Variants in HERC2 observed in about 807,000 individuals in gnomAD.
HERC2 encodes the protein HECT and RLD domain containing E3 ubiquitin protein ligase 2.
In HERC2, 102 loss-of-function variants were observed where a neutral mutation model predicts 537.7. That is an observed-to-expected ratio of 0.19 (90% CI 0.16 to 0.22). The LOEUF (loss-of-function observed/expected upper bound fraction) is 0.22. Ranked by LOEUF, HERC2 falls within the 10% of genes least tolerant of loss-of-function variation. The pLI is 1.00. For synonymous variants in HERC2, 2,224 were observed against 2,466.2 expected (o/e 0.90, Z 2.91); for missense variants, 4,236 against 6,198.2 (o/e 0.68, Z 10.63).
chr15:28,199,187 C>A (rs921395402), intron 48 of HERC2, among the ~76,000 whole-genome samples: 16 of 151,946 alleles, frequency 1.1e-4, no homozygotes, highest in Non-Finnish European at 2.2e-4. Context: ...AGAGTGCATT[C>A]TAAGTATTAT....
In HERC2 at chr15:28,190,962, T is replaced by C; in HGVS notation, c.8649+3A>G. The C allele has an allele frequency of 6.3e-7, 1 of 1,584,022 alleles. No individual in the cohort carries two copies. The highest frequency in any genetic ancestry group is 8.7e-7 in the Non-Finnish European group (1 of 1,152,534). ...CAAATGGAACACTAGCATAGCTACT[T>C]ACCTCTGTGCAGTCATTCAGAAGGG... On this transcript the variant is annotated splice_donor_region_variant and intron_variant, in intron 55 of 92. Transcript: ENST00000261609.
chr15:28,118,938 T>C (rs943261863), intron 86 of HERC2, among the ~76,000 whole-genome samples: 4 of 152,178 alleles, frequency 2.6e-5, no homozygotes, highest in Admixed American at 2.6e-4. Context: ...TCAATCCACA[T>C]TGCACACTAG....
intron 45 of HERC2, among the ~76,000 whole-genome samples, chr15:28,205,246 G>A (rs116159174): frequency 0.13 from 17,626 of 133,302 alleles, 308 homozygotes; most frequent in African/African-American, 0.28. Flanking sequence ...AACTCTACAC[G>A]GCCTTCCAGT....
chr15:28,321,141 G>C (rs1327427769), intron 2 of HERC2, among the ~76,000 whole-genome samples: 1 of 152,158 alleles, frequency 6.6e-6, no homozygotes, highest in Non-Finnish European at 1.5e-5. Flanking sequence ...TAGATCTCAA[G>C]TTTCGTGCAC....
intron 2 of HERC2, among the ~76,000 whole-genome samples, chr15:28,319,911 G>A (rs574693836): frequency 1.3e-5 from 2 of 152,170 alleles, no homozygotes; most frequent in Non-Finnish European, 2.9e-5. Context: ...AACTTTGCCT[G>A]AATCTCAGGA....
At chr15:28,193,162 C>T (rs1381747530) in intron 52 of HERC2, among the ~76,000 whole-genome samples, 1 of 152,034 alleles carries the variant, frequency 6.6e-6, no homozygotes, top group Non-Finnish European at 1.5e-5. Flanking sequence ...GAAAATATGA[C>T]TAAAAATTAC....
intron 2 of HERC2, among the ~76,000 whole-genome samples, chr15:28,304,850 C>T (rs1322596657): frequency 5.0e-4 from 52 of 103,742 alleles, no homozygotes; most frequent in African/African-American, 1.9e-3. Flanking sequence ...CCCAATGCTA[C>T]CCCTCCCCCC....
chr15:28,225,234 A>G (rs990877624), intron 35 of HERC2, among the ~76,000 whole-genome samples: 3 of 151,770 alleles, frequency 2.0e-5, no homozygotes, highest in African/African-American at 7.3e-5. Flanking sequence ...GCCTGAAGGA[A>G]AAGTAAGACC....
intron 68 of HERC2, 37 bp downstream of exon 68, chr15:28,167,650 T>C: frequency 1.2e-6 from 2 of 1,611,000 alleles, no homozygotes; most frequent in Non-Finnish European, 1.7e-6. Flanking sequence ...TTTAAGATTA[T>C]TTCACAATAC....
At chr15:28,216,337 A>G (rs1191997741) in intron 38 of HERC2, among the ~76,000 whole-genome samples, 3 of 150,768 alleles carry the variant, frequency 2.0e-5, no homozygotes, top group African/African-American at 7.4e-5. Flanking sequence ...TATTTTTAGT[A>G]GAGACAGTTT....
In HERC2 at chr15:28,162,596, A is replaced by T. The variant is rs149759750; in HGVS notation, c.10746+498T>A. Among the ~76,000 whole-genome samples the T allele has an allele frequency of 1.9e-3, 296 of 152,300 alleles. 3 individuals carry two copies. Among genetic ancestry groups the T allele is most frequent in the Middle Eastern group, 0.014 (4 of 294 alleles). ...TAAAAAGATGCACAAATCAGTTATA[A>T]AACAGGTAAAGGGGCCAGGTTTGGT... On this transcript the variant is annotated intron_variant, in intron 69 of 92. Coordinates refer to ENST00000261609, the MANE Select transcript of HERC2 (RefSeq NM_004667.6).
At chr15:28,280,856 G>T (rs537682836) in intron 4 of HERC2, among the ~76,000 whole-genome samples, 1 of 152,196 alleles carries the variant, frequency 6.6e-6, no homozygotes, top group South Asian at 2.1e-4. Flanking sequence ...GTTGCAGTGA[G>T]CTGAGATTTT....
At chr15:28,148,732 C>T (rs569130939) in intron 70 of HERC2, among the ~76,000 whole-genome samples, 67 of 152,066 alleles carry the variant, frequency 4.4e-4, no homozygotes, top group South Asian at 2.9e-3. Context: ...GCTGCATGAA[C>T]GCGCATTCTA....
rs151141156 is a variant in HERC2, at chr15:28,228,870, C to T, written c.5272+325G>A. Among the ~76,000 whole-genome samples the T allele has an allele frequency of 2.9e-3, 435 of 152,300 alleles. 3 individuals carry two copies. Among genetic ancestry groups the T allele is most frequent in the African/African-American group, 9.9e-3 (412 of 41,552 alleles). On this transcript the variant is annotated intron_variant, in intron 34 of 92. Transcript: ENST00000261609. ...AAAGTTATGTCTCACTTTTCCTCCACAAAACCAATCCAATCAACTCTCTGT... is the reference window on the plus strand; with the variant it reads ...AAAGTTATGTCTCACTTTTCCTCCATAAAACCAATCCAATCAACTCTCTGT...
intron 37 of HERC2, among the ~76,000 whole-genome samples, chr15:28,219,300 A>G (rs1032981563): frequency 2.0e-5 from 3 of 152,188 alleles, no homozygotes; most frequent in Admixed American, 6.5e-5. Flanking sequence ...TGTGTGGCAA[A>G]TGAGGCCACC....
chr15:28,184,218 C>CAT (rs1459968345), intron 56 of HERC2, among the ~76,000 whole-genome samples: 4 of 152,138 alleles, frequency 2.6e-5, no homozygotes, highest in African/African-American at 4.8e-5. Flanking sequence ...TCCATACACA[C>CAT]ATATATATAC....
chr15:28,206,552 G>C (rs1268982717), intron 44 of HERC2, among the ~76,000 whole-genome samples, 170 bp from the exon 45 acceptor site: 1 of 151,510 alleles, frequency 6.6e-6, no homozygotes, highest in Non-Finnish European at 1.5e-5. Context: ...CTAGACTCTA[G>C]GTTGGGTGCG....
chr15:28,183,603 TG>T (rs1328774229), intron 56 of HERC2, among the ~76,000 whole-genome samples: 1 of 152,232 alleles, frequency 6.6e-6, no homozygotes, highest in African/African-American at 2.4e-5. Flanking sequence ...TCTTGGCTGA[TG>T]GTCTGATGCC....
Position 28,176,793 on chromosome 15 carries a change from A to G in HERC2, c.9433-25T>C, listed in dbSNP as rs1345782833. 5 of 1,608,726 alleles carry G rather than the reference A, an allele frequency of 3.1e-6. No homozygotes were observed. The highest frequency in any genetic ancestry group is 4.3e-6 in the Non-Finnish European group (5 of 1,176,026). ...CCTACTCAATTACAAATTTAAAAAC[A>G]GAATCACGCACAGGCACGGAGAAAG... On this transcript the variant is annotated intron_variant, in intron 61 of 92. Coordinates refer to ENST00000261609, the MANE Select transcript of HERC2 (RefSeq NM_004667.6). This position sits in a 1 kb window ranked among gnomAD's most constrained non-coding sequence, Gnocchi z 5.0.
Sources: gnomAD v4.1 joint callset for allele counts (sites outside exome capture counted in the v4.1 genomes callset) on GRCh38, gnomAD v4.1.1 for gene constraint, Gnocchi (gnomAD v3.1) non-coding constraint, MANE v1.5 for transcripts, NCBI Gene and HGNC (gene_info 2026-07-23, HGNC 2026-07-21) for gene names.